CRTC3: variants seen among roughly 807,000 people sequenced by gnomAD.
CRTC3 encodes the protein CREB regulated transcription coactivator 3.
In CRTC3, 26 loss-of-function variants were observed where a neutral mutation model predicts 74.5. The observed-to-expected ratio is 0.35, with a 90% CI of 0.26 to 0.48. The LOEUF is 0.48. Among genes scored for constraint, CRTC3 ranks in the 20% least tolerant of loss-of-function variants. CRTC3 has a pLI of 0.99. For synonymous variants in CRTC3, 377 were observed against 325.8 expected (o/e 1.16, Z -1.69); for missense variants, 760 against 787.3 (o/e 0.97, Z 0.41).
At chr15:90,631,631 G>A (rs559961604) in intron 11 of CRTC3, among the ~76,000 whole-genome samples, 201 of 151,176 alleles carry the variant, frequency 1.3e-3, no homozygotes, top group African/African-American at 4.5e-3. Context: ...AGGATGCTGC[G>A]ACGTGAGAAT....
At chr15:90,540,902 G>T (rs1966791884) in intron 2 of CRTC3, among the ~76,000 whole-genome samples, 1 of 152,200 alleles carries the variant, frequency 6.6e-6, no homozygotes, top group South Asian at 2.1e-4. Context: ...TTTGAAATCT[G>T]TTGTGTATTT....
Position 90,573,210 on chromosome 15 carries a change from G to C in CRTC3, c.232-20426G>C, listed in dbSNP as rs116366960. ...GCATAATGGGTAGAAACAAGTCACAGGTGTTGCCTCTACTCAAGGGCGGGG... is the reference window on the plus strand; with the variant it reads ...GCATAATGGGTAGAAACAAGTCACACGTGTTGCCTCTACTCAAGGGCGGGG... On this transcript the variant is annotated intron_variant, in intron 2 of 14. Coordinates refer to ENST00000268184, the MANE Select transcript of CRTC3 (RefSeq NM_022769.5). Among the ~76,000 whole-genome samples, 789 of 152,246 alleles carry C rather than the reference G, an allele frequency of 5.2e-3. 8 individuals are homozygous for C. The highest frequency in any genetic ancestry group is 0.017 in the African/African-American group (714 of 41,550).
chr15:90,626,020 C>T (rs760018172), intron 10 of CRTC3, 27 bp downstream of exon 10: 7 of 1,586,920 alleles, frequency 4.4e-6, no homozygotes, highest in Middle Eastern at 1.7e-4. Flanking sequence ...TAGCAGTGAC[C>T]TGGTGGCTTA....
intron 2 of CRTC3, among the ~76,000 whole-genome samples, chr15:90,552,500 G>T (rs545672197): frequency 4.6e-4 from 70 of 152,110 alleles, no homozygotes; most frequent in Middle Eastern, 3.4e-3. Flanking sequence ...TAGTTCTTTT[G>T]TCTCCTGGAG....
intron 2 of CRTC3, among the ~76,000 whole-genome samples, chr15:90,542,453 A>G (rs2151057306): frequency 6.6e-6 from 1 of 152,290 alleles, no homozygotes; most frequent in Admixed American, 6.5e-5. Flanking sequence ...TGCTGGGATT[A>G]CAGGCATGAA....
chr15:90,537,949 G>A (rs1966746809), intron 1 of CRTC3, among the ~76,000 whole-genome samples: 1 of 152,200 alleles, frequency 6.6e-6, no homozygotes, highest in Admixed American at 6.5e-5. Flanking sequence ...GAGCAGTTAT[G>A]GGGGATTGTG....
intron 2 of CRTC3, among the ~76,000 whole-genome samples, chr15:90,571,110 C>T (rs1397126937): frequency 1.3e-5 from 2 of 152,262 alleles, no homozygotes; most frequent in African/African-American, 2.4e-5. Context: ...TTGGACACTG[C>T]GTGTCAGACA....
intron 2 of CRTC3, among the ~76,000 whole-genome samples, chr15:90,548,701 C>T (rs999151517): frequency 6.6e-6 from 1 of 152,190 alleles, no homozygotes; most frequent in African/African-American, 2.4e-5. Context: ...GTGCTATGTG[C>T]CAGACACTGT....
chr15:90,589,514 A>G (rs1337709140), intron 2 of CRTC3, among the ~76,000 whole-genome samples: 1 of 151,996 alleles, frequency 6.6e-6, no homozygotes, highest in Non-Finnish European at 1.5e-5. Flanking sequence ...ACATCACCAC[A>G]CCAGCTAATT....
chr15:90,586,141 T>C (rs949714120), intron 2 of CRTC3, among the ~76,000 whole-genome samples: 3 of 152,178 alleles, frequency 2.0e-5, no homozygotes, highest in Admixed American at 2.0e-4. Flanking sequence ...TATCACTTTT[T>C]TTCTTGATCA....
intron 10 of CRTC3, among the ~76,000 whole-genome samples, chr15:90,627,213 A>G (rs960580976): frequency 2.6e-5 from 4 of 152,198 alleles, no homozygotes; most frequent in African/African-American, 9.6e-5. Context: ...TGAAGAATTG[A>G]TTTCAGAGAA....
chr15:90,535,737 G>A (rs1219433138), intron 1 of CRTC3, among the ~76,000 whole-genome samples: 1 of 152,216 alleles, frequency 6.6e-6, no homozygotes, highest in African/African-American at 2.4e-5. Context: ...GGAAATATTA[G>A]GTTTGGGCTA....
At chr15:90,608,649 C>T (rs7165429) in intron 6 of CRTC3, among the ~76,000 whole-genome samples, 105,999 of 152,098 alleles carry the variant, frequency 0.7, 37,208 homozygotes, top group South Asian at 0.78. Context: ...TCTTTCTCTG[C>T]TCAGTGTAGA....
intron 9 of CRTC3, among the ~76,000 whole-genome samples, chr15:90,623,817 C>G (rs987544460): frequency 2.0e-5 from 3 of 152,222 alleles, no homozygotes; most frequent in African/African-American, 7.2e-5. Flanking sequence ...CACCACTAAC[C>G]AGCCCTCCTA....
At chr15:90,611,767 T>A (rs547380332) in intron 6 of CRTC3, among the ~76,000 whole-genome samples, 1 of 152,320 alleles carries the variant, frequency 6.6e-6, no homozygotes, top group East Asian at 1.9e-4. Context: ...TGCCTTGGAC[T>A]ATTGCATTGG....
intron 2 of CRTC3, among the ~76,000 whole-genome samples, chr15:90,545,486 G>A (rs898184882): frequency 3.4e-5 from 5 of 147,560 alleles, no homozygotes; most frequent in African/African-American, 1.3e-4. Context: ...TGCTGCCTCC[G>A]CCTCCCAGGT....
At chr15:90,534,064 T>A (rs537412332) in intron 1 of CRTC3, among the ~76,000 whole-genome samples, 4 of 152,318 alleles carry the variant, frequency 2.6e-5, no homozygotes, top group African/African-American at 7.2e-5. Context: ...TTTGCTTTTT[T>A]AAAAGATTCC....
At chr15:90,615,083 TAAA>T (rs879619242) in intron 7 of CRTC3, among the ~76,000 whole-genome samples, 2,164 of 152,072 alleles carry the variant, frequency 0.014, 32 homozygotes, top group African/African-American at 0.037. Flanking sequence ...AATAAATAAA[TAAA>T]TAAATTAATT....
chr15:90,593,609 C>G, intron 2 of CRTC3, 27 bp from the exon 3 acceptor site: 1 of 1,587,734 alleles, frequency 6.3e-7, no homozygotes. Flanking sequence ...TGGTTGGAGG[C>G]CAACTCTTCT....
Sources: gnomAD v4.1 joint callset for allele counts (sites outside exome capture counted in the v4.1 genomes callset) on GRCh38, gnomAD v4.1.1 for gene constraint, MANE v1.5 for transcripts, NCBI Gene and HGNC (gene_info 2026-07-23, HGNC 2026-07-21) for gene names.